The following TNFSF4 variants were observed in gnomAD, a reference collection of about 807,000 sequenced individuals.
TNFSF4 encodes TNF superfamily member 4.
Under a neutral mutation model 7.3 loss-of-function variants are expected in TNFSF4, and 4 were observed. That is an observed-to-expected ratio of 0.55 (90% CI 0.27 to 1.25). The LOEUF (loss-of-function observed/expected upper bound fraction) is 1.25. Among genes scored for constraint, TNFSF4 ranks in the 50% most tolerant of loss-of-function variants. The pLI is 0.12. For missense variants in TNFSF4, 181 were observed against 208.8 expected (o/e 0.87, Z 0.82); for synonymous variants, 76 against 83.7 (o/e 0.91, Z 0.50).
At chr1:173,228,484 A>G in the TNFSF4 span, among the ~76,000 whole-genome samples, 1 of 152,216 alleles carries the variant, frequency 6.6e-6, no homozygotes, top group Non-Finnish European at 1.5e-5. Context: ...GGGACAAAAC[A>G]GAACAGAAAA....
the TNFSF4 span, among the ~76,000 whole-genome samples, chr1:173,392,831 T>G: frequency 6.6e-6 from 1 of 152,164 alleles, no homozygotes; most frequent in Admixed American, 6.5e-5. Context: ...CATCTACAAT[T>G]TCCAGCTACA....
chr1:173,371,194 C>T, the TNFSF4 span, among the ~76,000 whole-genome samples: 14 of 152,304 alleles, frequency 9.2e-5, no homozygotes, highest in African/African-American at 1.2e-4. Context: ...CTGCGCTGGA[C>T]GGCTGTCCTC....
chr1:173,207,192 A>G lies in TNFSF4; in HGVS notation c.-16T>C, dbSNP rs762357353. On this transcript the variant is annotated 5_prime_UTR_variant, in exon 1 of 3. Coordinates refer to ENST00000281834, the MANE Select transcript of TNFSF4 (RefSeq NM_003326.5). ...CCCTTTCCATCTTCACAATCTGGGT[A>G]GAGGGAAGATGAAGATATGGAAAAG... is the stretch of plus-strand genomic sequence containing the variant. 2 of 1,594,686 alleles carry G rather than the reference A, an allele frequency of 1.3e-6. No individual in the cohort carries two copies. Among genetic ancestry groups the G allele is most frequent in the Non-Finnish European group, 1.7e-6 (2 of 1,165,514 alleles).
At chr1:173,362,446 T>C in the TNFSF4 span, 1 of 505,976 alleles carries the variant, frequency 2.0e-6, no homozygotes, top group East Asian at 5.2e-5. Context: ...TTTGGTAGCT[T>C]TTAATTCCTT....
chr1:173,209,135 T>A (rs371589334), upstream of TNFSF4, among the ~76,000 whole-genome samples: 14 of 152,230 alleles, frequency 9.2e-5, no homozygotes, highest in African/African-American at 3.4e-4. Context: ...GTCGTCCTAC[T>A]ACCATATTTT....
downstream of TNFSF4, among the ~76,000 whole-genome samples, chr1:173,182,831 A>G (rs1432765613): frequency 6.6e-6 from 1 of 152,170 alleles, no homozygotes; most frequent in African/African-American, 2.4e-5. Flanking sequence ...GAGGGACTTC[A>G]GCAGTGAGTT....
chr1:173,247,000 C>G, the TNFSF4 span, among the ~76,000 whole-genome samples: 6 of 152,212 alleles, frequency 3.9e-5, no homozygotes, highest in Non-Finnish European at 8.8e-5. Context: ...GTGCCTCCTT[C>G]TTTTCCCAGG....
downstream of TNFSF4, among the ~76,000 whole-genome samples, chr1:173,182,634 A>G (rs907730945): frequency 1.3e-5 from 2 of 152,236 alleles, no homozygotes; most frequent in African/African-American, 4.8e-5. Flanking sequence ...TGGCACAGGG[A>G]AAGAACTCAC....
the TNFSF4 span, among the ~76,000 whole-genome samples, chr1:173,407,703 GGTGTGT>G: frequency 2.1e-4 from 31 of 148,352 alleles, no homozygotes; most frequent in South Asian, 6.3e-3. Context: ...GATGTAAATG[GGTGTGT>G]GTGTGTGTGT....
the TNFSF4 span, chr1:173,174,249 C>T: frequency 5.3e-5 from 8 of 152,128 alleles, no homozygotes; most frequent in South Asian, 4.2e-4. Flanking sequence ...TATCACTATC[C>T]GCATTTTGAT....
the TNFSF4 span, among the ~76,000 whole-genome samples, chr1:173,326,021 C>A: frequency 1.3e-5 from 2 of 152,188 alleles, no homozygotes; most frequent in African/African-American, 4.8e-5. Context: ...TATTATGAGG[C>A]CAACATCATC....
At chr1:173,256,890 C>T in the TNFSF4 span, among the ~76,000 whole-genome samples, 1 of 152,226 alleles carries the variant, frequency 6.6e-6, no homozygotes, top group Non-Finnish European at 1.5e-5. Context: ...ATTCATAGCT[C>T]TTCAAACACA....
chr1:173,183,100 G>A (rs1440487491), downstream of TNFSF4, among the ~76,000 whole-genome samples: 1 of 152,182 alleles, frequency 6.6e-6, no homozygotes, highest in Non-Finnish European at 1.5e-5. Flanking sequence ...GCTAGACTGC[G>A]GCTCATTGGC....
At chr1:173,313,665 G>A in the TNFSF4 span, among the ~76,000 whole-genome samples, 1 of 151,886 alleles carries the variant, frequency 6.6e-6, no homozygotes, top group Non-Finnish European at 1.5e-5. Flanking sequence ...CCTCTCTGAG[G>A]ATCCAAGATA....
At chr1:173,372,335 T>C in the TNFSF4 span, among the ~76,000 whole-genome samples, 4 of 152,162 alleles carry the variant, frequency 2.6e-5, no homozygotes, top group South Asian at 2.1e-4. Flanking sequence ...AGAGGGCAAA[T>C]ACTCATCTAG....
chr1:173,198,403 A>G (rs1571197212), intron 1 of TNFSF4, among the ~76,000 whole-genome samples: 2 of 152,250 alleles, frequency 1.3e-5, no homozygotes, highest in African/African-American at 2.4e-5. Flanking sequence ...TGATAAGAAG[A>G]CCTTCTGAAC....
chr1:173,234,540 C>CA, the TNFSF4 span, among the ~76,000 whole-genome samples: 4 of 152,248 alleles, frequency 2.6e-5, no homozygotes, highest in South Asian at 8.3e-4. Context: ...GACTTGGAAC[C>CA]AACCCAAATG....
At chr1:173,373,478 G>C in the TNFSF4 span, among the ~76,000 whole-genome samples, 7 of 152,140 alleles carry the variant, frequency 4.6e-5, no homozygotes, top group Non-Finnish European at 8.8e-5. Context: ...TGACAGAAGA[G>C]GGAAAAGTAC....
the TNFSF4 span, among the ~76,000 whole-genome samples, chr1:173,324,561 A>G: frequency 6.6e-6 from 1 of 152,248 alleles, no homozygotes; most frequent in Non-Finnish European, 1.5e-5. Context: ...TAAAAGGCAC[A>G]GACTAGCAAA....
Sources: allele counts gnomAD v4.1 joint callset (sites outside exome capture counted in the v4.1 genomes callset), GRCh38; gene constraint gnomAD v4.1.1; transcripts MANE v1.5; gene names NCBI Gene and HGNC (gene_info 2026-07-23, HGNC 2026-07-21).